STAU1: variants seen among roughly 807,000 people sequenced by gnomAD.
The protein encoded by STAU1 is staufen double-stranded RNA binding protein 1.
STAU1 carries 13 observed loss-of-function variants against 62.9 expected under a neutral mutation model. The ratio of observed to expected loss-of-function variants is 0.21; its 90% CI spans 0.13 to 0.33. STAU1 has a LOEUF of 0.33. Ranked by LOEUF, STAU1 falls within the 10% of genes least tolerant of loss-of-function variation. STAU1 has a pLI of 1.00. For synonymous variants in STAU1, 269 were observed against 265.1 expected, an observed-to-expected ratio of 1.01 and a Z score of -0.14; for missense variants, 571 against 712.1, an observed-to-expected ratio of 0.80 and a Z score of 2.25.
chr20:49,179,369 A>G (rs1239096286), intron 1 of STAU1: 1 of 152,200 alleles, frequency 6.6e-6, no homozygotes, highest in Non-Finnish European at 1.5e-5. Context: ...AACTAAAAGG[A>G]AAATTACTAT....
At chr20:49,151,875 T>A in intron 4 of STAU1, 128 bp from the exon 5 acceptor site, 1 of 751,524 alleles carries the variant, frequency 1.3e-6, no homozygotes, top group Non-Finnish European at 2.0e-6. Context: ...CTAATCACTC[T>A]TCATCAATAT....
chr20:49,145,151 C>T (rs1159047998), intron 5 of STAU1, among the ~76,000 whole-genome samples: 4 of 152,120 alleles, frequency 2.6e-5, no homozygotes, highest in East Asian at 3.8e-4. Context: ...CCTGGCTGGG[C>T]GTGGTGGCTC....
Position 49,159,061 on chromosome 20 carries a change from G to T in STAU1, c.206-4990C>A. 3 of 1,266,004 alleles carry T rather than the reference G, an allele frequency of 2.4e-6. No individual in the cohort carries two copies. The African/African-American group carries it at 4.7e-5, about 20-fold the overall frequency. The allele number at this position is 1,266,004 out of a possible 1,614,324, so 78.4% of individuals were successfully genotyped here. A position where few individuals can be genotyped will look rare whatever the true frequency, so the allele number is the denominator to read the frequency against. On this transcript the variant is annotated intron_variant, in intron 3 of 13. Transcript: ENST00000371856. Reference sequence around the variant, plus strand: ...AACTCAAAACCCTGGCAGGCAGGAAGGTCAAATGGCAGAAGCCTGCAACGC... The same window carrying T: ...AACTCAAAACCCTGGCAGGCAGGAATGTCAAATGGCAGAAGCCTGCAACGC...
At position 49,184,487 on chromosome 20, in the gene STAU1, C is replaced by T. The variant is rs895282377; in HGVS notation, c.-160+3629G>A. ...GATGTGGGAGGAAATCAAGAGTACC[C>T]AGAGAAAACCCATGCAGGGATAGGG... On this transcript the variant is annotated intron_variant, in intron 1 of 13. Coordinates refer to ENST00000371856, the MANE Select transcript of STAU1 (RefSeq NM_017453.4). 8.5e-5 allele frequency among the ~76,000 whole-genome samples: 13 copies of T among 152,150 alleles called. No individual in the cohort carries two copies. The East Asian group carries it at 1.9e-3, about 23-fold the overall frequency.
chr20:49,154,164 G>A, intron 3 of STAU1, 93 bp from the exon 4 acceptor site: 1 of 1,321,554 alleles, frequency 7.6e-7, no homozygotes, highest in South Asian at 1.6e-5. Context: ...CTGCTAATTG[G>A]ATTCATGATA....
chr20:49,202,002 C>T, the STAU1 span, among the ~76,000 whole-genome samples: 2 of 151,816 alleles, frequency 1.3e-5, no homozygotes, highest in African/African-American at 2.4e-5. Flanking sequence ...AGGCAGATCA[C>T]GAGGCCAGGA....
intron 6 of STAU1, among the ~76,000 whole-genome samples, chr20:49,131,949 T>G (rs749556588): frequency 2.6e-5 from 4 of 152,104 alleles, no homozygotes; most frequent in Non-Finnish European, 5.9e-5. Flanking sequence ...TCTTGTAACT[T>G]TTAGATAGAT....
the STAU1 span, among the ~76,000 whole-genome samples, chr20:49,201,197 G>A: frequency 6.6e-6 from 1 of 151,794 alleles, no homozygotes; most frequent in Admixed American, 6.6e-5. Flanking sequence ...GTAGATATAT[G>A]ACCGAATATT....
intron 8 of STAU1, among the ~76,000 whole-genome samples, chr20:49,121,325 T>G (rs1241999528): frequency 2.0e-5 from 3 of 152,026 alleles, no homozygotes; most frequent in Non-Finnish European, 2.9e-5. Flanking sequence ...GGAGAATCAC[T>G]TGAACCTGGG....
chr20:49,204,624 G>GTA, the STAU1 span, among the ~76,000 whole-genome samples: 1 of 37,814 alleles, frequency 2.6e-5, no homozygotes, highest in Non-Finnish European at 4.5e-5. Context: ...ATATATATAT[G>GTA]TGTATATATA....
At chr20:49,207,930 G>C in the STAU1 span, among the ~76,000 whole-genome samples, 1 of 151,950 alleles carries the variant, frequency 6.6e-6, no homozygotes, top group Non-Finnish European at 1.5e-5. Flanking sequence ...ACCCAGGCTG[G>C]AGTGCGGTGG....
intron 5 of STAU1, among the ~76,000 whole-genome samples, chr20:49,148,232 C>A (rs961164608): frequency 6.6e-6 from 1 of 152,128 alleles, no homozygotes; most frequent in African/African-American, 2.4e-5. Context: ...ACTTTTTGAA[C>A]ACCAACACAA....
At chr20:49,135,613 C>T (rs1280063733) in intron 6 of STAU1, among the ~76,000 whole-genome samples, 1 of 152,180 alleles carries the variant, frequency 6.6e-6, no homozygotes, top group Non-Finnish European at 1.5e-5. Context: ...CCAACTGAAG[C>T]CATCATGAAC....
chr20:49,124,332 T>C, intron 7 of STAU1, 43 bp downstream of exon 7: 3 of 1,597,630 alleles, frequency 1.9e-6, no homozygotes, highest in Non-Finnish European at 2.6e-6. Context: ...CCCACCCATC[T>C]ATAAGTAATG....
chr20:49,172,624 C>T (rs545786963), intron 2 of STAU1, among the ~76,000 whole-genome samples: 2 of 152,204 alleles, frequency 1.3e-5, no homozygotes, highest in East Asian at 3.9e-4. Context: ...CTGCATTTAC[C>T]ACCATCTTCA....
intron 8 of STAU1, among the ~76,000 whole-genome samples, chr20:49,122,225 T>C (rs1288624536): frequency 6.6e-6 from 1 of 152,196 alleles, no homozygotes; most frequent in Non-Finnish European, 1.5e-5. Flanking sequence ...ATCAGCTAAG[T>C]ACAAAGAAAT....
Position 49,120,011 on chromosome 20 carries a change from T to C in STAU1, c.1084A>G (p.Thr362Ala). Reference protein sequence around the residue: ...LGFKVPQAQPTKPALKSEEKT... With the variant: ...LGFKVPQAQPAKPALKSEEKT... ...TCCTCTGACTTGAGTGCGGGTTTGGTGGGCTGCGCCTGCGGGACTTTGAAA... is the reference window on the plus strand; with the variant it reads ...TCCTCTGACTTGAGTGCGGGTTTGGCGGGCTGCGCCTGCGGGACTTTGAAA... The change falls in exon 9 of 14, where the codon ACC (threonine) becomes GCC (alanine). Residue 362 changes from threonine (T) to alanine (A), a missense_variant. Around this residue, in one of 3 missense-constraint regions of STAU1, gnomAD observed 414 missense variants for 499.6 expected, o/e 0.83. Coordinates refer to ENST00000371856, the MANE Select transcript of STAU1 (RefSeq NM_017453.4). 2 of 1,614,148 alleles carry C rather than the reference T, an allele frequency of 1.2e-6. No homozygotes were observed. The highest frequency in any genetic ancestry group is 1.7e-6 in the Non-Finnish European group (2 of 1,180,014).
chr20:49,171,640 G>C (rs573980060), intron 2 of STAU1, among the ~76,000 whole-genome samples: 1 of 152,184 alleles, frequency 6.6e-6, no homozygotes, highest in Non-Finnish European at 1.5e-5. Context: ...GCTGCAATAT[G>C]GTTGAATGTT....
chr20:49,155,043 G>A (rs992790592), intron 3 of STAU1, among the ~76,000 whole-genome samples: 4 of 151,828 alleles, frequency 2.6e-5, no homozygotes, highest in Non-Finnish European at 2.9e-5. Context: ...TCGAGATTGC[G>A]TCACTGTACT....
Sources: gnomAD v4.1 joint callset for allele counts (sites outside exome capture counted in the v4.1 genomes callset) on GRCh38, gnomAD v4.1.1 for gene constraint, gnomAD v4.1.1 regional missense constraint, MANE v1.5 for transcripts, NCBI Gene and HGNC (gene_info 2026-07-23, HGNC 2026-07-21) for gene names.